The following SLC9A6 variants were observed in gnomAD, a reference collection of about 807,000 sequenced individuals.
The protein encoded by SLC9A6 is sodium/hydrogen exchanger 6.
Under a neutral mutation model 45.3 loss-of-function variants are expected in SLC9A6, and 6 were observed. The observed-to-expected ratio is 0.13, with a 90% CI of 0.07 to 0.26. The LOEUF (loss-of-function observed/expected upper bound fraction) is 0.26. SLC9A6 is among the 10% of genes least tolerant of loss of function. SLC9A6 has a pLI of 1.00. For missense variants in SLC9A6, 278 were observed against 503.7 expected (o/e 0.55, Z 4.29); for synonymous variants, 191 against 187.7 (o/e 1.02, Z -0.14).
chrX:136,032,713 A>G (rs1419414275), intron 15 of SLC9A6, among the ~76,000 whole-genome samples: 6 of 112,357 alleles, frequency 5.3e-5, no homozygotes, highest in African/African-American at 1.9e-4. Flanking sequence ...TAGTGTTTCA[A>G]GAACATAGTA....
chrX:136,000,690 A>G (rs2089568714), intron 6 of SLC9A6, among the ~76,000 whole-genome samples: 1 of 112,291 alleles, frequency 8.9e-6, no homozygotes, highest in Non-Finnish European at 1.9e-5. Context: ...TACCATTGTT[A>G]GCTTGCTCTT....
chrX:136,012,675 T>G (rs2070946422), intron 8 of SLC9A6, among the ~76,000 whole-genome samples: 1 of 112,805 alleles, frequency 8.9e-6, no homozygotes, highest in Admixed American at 9.3e-5. Context: ...TCTCTATCTA[T>G]CCTTTACTGC....
At position 136,012,960 on chromosome X, in the gene SLC9A6, C is replaced by T; in HGVS notation, c.897C>T (p.Phe299=). 3 of 1,205,687 alleles carry T rather than the reference C, an allele frequency of 2.5e-6. No homozygotes were observed. Among genetic ancestry groups the T allele is most frequent in the Non-Finnish European group, 3.4e-6 (3 of 889,846 alleles). Residue 299 remains phenylalanine (F), a synonymous_variant, in exon 9 of 18, where the codon TTC becomes TTT. Transcript: ENST00000630721. Reference sequence around the variant, plus strand: ...CTTAACAGTCTTACGTGACAAAGTTCACCAAATTACGGGAGTTCCAGTTGT... The same window carrying T: ...CTTAACAGTCTTACGTGACAAAGTTTACCAAATTACGGGAGTTCCAGTTGT... ...TGVVTALVTK[F]TKLREFQLLE...
At chrX:136,030,534 C>T (rs782725203) in intron 15 of SLC9A6, 13 of 198,276 alleles carry the variant, frequency 6.6e-5, no homozygotes, top group Non-Finnish European at 1.0e-4. Flanking sequence ...AGCCCCACTC[C>T]AGCTGCTCTT....
In SLC9A6 at chrX:136,003,774, C is replaced by T. The variant is rs144986113; in HGVS notation, c.743+1561C>T. ...TTGGTCTGTTTCCTCACAGTTTCGC[C>T]AGCAGAATATTTGTCAAACTTTTAT... On this transcript the variant is annotated intron_variant, in intron 7 of 17. Coordinates refer to ENST00000630721, the MANE Select transcript of SLC9A6 (RefSeq NM_001379110.1). Among the ~76,000 whole-genome samples the T allele has an allele frequency of 7.0e-3, 788 of 112,039 alleles. 7 individuals are homozygous for T. Among genetic ancestry groups the T allele is most frequent in the African/African-American group, 0.025 (757 of 30,881 alleles).
intron 3 of SLC9A6, among the ~76,000 whole-genome samples, chrX:135,996,765 G>T (rs201980827): frequency 0.013 from 1,341 of 106,388 alleles, 26 homozygotes; most frequent in African/African-American, 0.041. Flanking sequence ...GTTTTTTTTT[G>T]TTTGTTTGTT....
chrX:136,029,277 G>A (rs1481111526), intron 14 of SLC9A6, among the ~76,000 whole-genome samples: 1 of 110,626 alleles, frequency 9.0e-6, no homozygotes, highest in Non-Finnish European at 1.9e-5. Context: ...GAGTGGGGTG[G>A]GGATGCTAGT....
upstream of SLC9A6, among the ~76,000 whole-genome samples, chrX:135,982,485 G>A (rs1248784756): frequency 1.9e-5 from 2 of 106,703 alleles, no homozygotes; most frequent in Admixed American, 1.0e-4. Flanking sequence ...TGGTCAATTC[G>A]CTTTTTTTTT....
At chrX:135,992,939 A>C (rs1481768150) in intron 2 of SLC9A6, among the ~76,000 whole-genome samples, 2 of 111,787 alleles carry the variant, frequency 1.8e-5, no homozygotes, top group Non-Finnish European at 3.8e-5. Flanking sequence ...TAGTACACTC[A>C]TTCACGTATT....
chrX:135,975,981 C>CAAAAA (rs782541566), intron 1 of SLC9A6, among the ~76,000 whole-genome samples: 16 of 62,331 alleles, frequency 2.6e-4, no homozygotes, highest in African/African-American at 3.8e-4. Context: ...TTTCTCTAAC[C>CAAAAA]AAAAAAAAAA....
At chrX:136,042,865 T>TG (rs1340192698) in intron 17 of SLC9A6, among the ~76,000 whole-genome samples, 1 of 111,840 alleles carries the variant, frequency 8.9e-6, no homozygotes, top group East Asian at 2.8e-4. Context: ...GCAAAATTCA[T>TG]GTATTCAGTC....
upstream of SLC9A6, among the ~76,000 whole-genome samples, chrX:135,982,790 G>T (rs782200505): frequency 8.9e-6 from 1 of 112,570 alleles, no homozygotes; most frequent in African/African-American, 3.2e-5. Context: ...CTTCTTAAGG[G>T]AGAAGGAAAC....
chrX:135,987,940 T>A (rs1315444205), intron 2 of SLC9A6, among the ~76,000 whole-genome samples: 1 of 111,291 alleles, frequency 9.0e-6, no homozygotes, highest in Non-Finnish European at 1.9e-5. Flanking sequence ...GCTGTGCTAT[T>A]ATTATTATTA....
chrX:135,976,277 CT>C (rs1189108928), intron 1 of SLC9A6, among the ~76,000 whole-genome samples: 11 of 111,632 alleles, frequency 9.9e-5, no homozygotes, highest in African/African-American at 2.6e-4. Flanking sequence ...TTCTCCGCCC[CT>C]GGGAGGTAAT....
chrX:136,030,052 A>G (rs1426147050), intron 14 of SLC9A6, 80 bp from the exon 15 acceptor site: 13 of 888,523 alleles, frequency 1.5e-5, no homozygotes, highest in Admixed American at 2.2e-5. Flanking sequence ...TGAGAAAAGT[A>G]GTTGCCTGAC....
At chrX:136,018,099 A>G (rs1406450228) in intron 11 of SLC9A6, among the ~76,000 whole-genome samples, 1 of 112,157 alleles carries the variant, frequency 8.9e-6, no homozygotes, top group Non-Finnish European at 1.9e-5. Context: ...CTTCCATAAT[A>G]TTCTGTTGGT....
upstream of SLC9A6, chrX:135,983,397 C>G (rs1299279584): frequency 9.1e-6 from 1 of 110,143 alleles, no homozygotes; most frequent in Non-Finnish European, 1.9e-5. Context: ...GAAGAACGTT[C>G]CAAGGAGCAC....
intron 13 of SLC9A6, among the ~76,000 whole-genome samples, chrX:136,025,906 CT>C (rs1266811274): frequency 9.0e-6 from 1 of 111,594 alleles, no homozygotes; most frequent in Non-Finnish European, 1.9e-5. Flanking sequence ...TAGATGAAGA[CT>C]TTCCCTCATT....
chrX:136,002,312 T>C, intron 7 of SLC9A6, 99 bp downstream of exon 7: 1 of 625,072 alleles, frequency 1.6e-6, no homozygotes, highest in Admixed American at 2.4e-5. Context: ...AATGGAAACA[T>C]TTGGAAGAAT....
Sources: allele counts gnomAD v4.1 joint callset (sites outside exome capture counted in the v4.1 genomes callset), GRCh38; gene constraint gnomAD v4.1.1; transcripts MANE v1.5; gene names NCBI Gene and HGNC (gene_info 2026-07-23, HGNC 2026-07-21).